The following NFASC variants were observed in gnomAD, a reference collection of about 807,000 sequenced individuals.
NFASC encodes the protein neurofascin, also known as neurofascin homolog.
NFASC carries 43 observed loss-of-function variants against 147.5 expected under a neutral mutation model. The ratio of observed to expected loss-of-function variants is 0.29; its 90% CI spans 0.23 to 0.38. NFASC has a LOEUF of 0.38. NFASC is among the 10% of genes least tolerant of loss of function. NFASC has a pLI of 1.00. For missense variants in NFASC, 1,320 were observed against 1,689.0 expected (o/e 0.78, Z 3.83); for synonymous variants, 622 against 665.5 (o/e 0.93, Z 1.01).
rs759643678 is a variant in NFASC at position 204,997,156 on chromosome 1, C to A, written c.2783-14C>A. The A allele has an allele frequency of 6.2e-7, 1 of 1,602,384 alleles. No individual in the cohort carries two copies. The highest frequency in any genetic ancestry group is 8.5e-7 in the Non-Finnish European group (1 of 1,171,740). On this transcript the variant is annotated splice_polypyrimidine_tract_variant and intron_variant, in intron 24 of 29. Transcript: ENST00000339876. ...AAACCAACCAGACTCGGCTGTTTTA[C>A]ATTTCCCTCTCAGCTCCTCCCACAT...
chr1:204,953,391 G>A (rs2094241816), intron 5 of NFASC, among the ~76,000 whole-genome samples: 1 of 152,174 alleles, frequency 6.6e-6, no homozygotes, highest in Non-Finnish European at 1.5e-5. Flanking sequence ...CCACTTCCCG[G>A]GTTCATGCCA....
At chr1:204,983,767 G>A (rs1211183588) in intron 21 of NFASC, among the ~76,000 whole-genome samples, 5 of 152,168 alleles carry the variant, frequency 3.3e-5, no homozygotes, top group African/African-American at 1.2e-4. Flanking sequence ...GGGGCTGATG[G>A]AAACTACCCA....
intron 1 of NFASC, among the ~76,000 whole-genome samples, chr1:204,866,874 A>C (rs760138787): frequency 1.3e-5 from 2 of 152,146 alleles, no homozygotes; most frequent in African/African-American, 2.4e-5. Flanking sequence ...TCCCACCTTG[A>C]GAGATTTGGT....
intron 28 of NFASC, among the ~76,000 whole-genome samples, chr1:205,011,688 C>T (rs2096255846): frequency 6.6e-6 from 1 of 152,258 alleles, no homozygotes; most frequent in Non-Finnish European, 1.5e-5. Flanking sequence ...CTCCAGTCTT[C>T]ATTCAGTCAC....
In NFASC at chr1:204,986,129, C is replaced by A; in HGVS notation, c.2471-1289C>A. ...CCCGGAAGGAGGTAGGTCTGGCCTG[C>A]AGCTCTTCAGGGTGGGGCAGGAGAA... On this transcript the variant is annotated intron_variant, in intron 21 of 29. Transcript: ENST00000339876. The surrounding 1 kb of genome is among the most constrained non-coding windows in gnomAD (Gnocchi z 4.2). The A allele has an allele frequency of 6.3e-7, 1 of 1,595,932 alleles. No homozygotes were observed. The highest frequency in any genetic ancestry group is 8.6e-7 in the Non-Finnish European group (1 of 1,163,516).
rs200841456 is a variant in NFASC, at chr1:204,983,753, C to T, written c.2470+1733C>T. On this transcript the variant is annotated intron_variant, in intron 21 of 29. Coordinates refer to ENST00000339876, the MANE Select transcript of NFASC (RefSeq NM_001005388.3). ...GGGTGAGGAAGGGTGGAGGACAAAA[C>T]GAAGGGGCTGATGGAAACTACCCAG... Among the ~76,000 whole-genome samples, 8 of 152,258 alleles carry T rather than the reference C, an allele frequency of 5.3e-5. No individual in the cohort carries two copies. In the East Asian group the frequency reaches 9.7e-4, roughly 18 times the overall value.
At chr1:204,933,999 G>C (rs1338412835) in intron 2 of NFASC, among the ~76,000 whole-genome samples, 1 of 152,006 alleles carries the variant, frequency 6.6e-6, no homozygotes, top group African/African-American at 2.4e-5. Flanking sequence ...TTAGCTGGGC[G>C]TGGTGGCAGG....
rs573119733 is a variant in NFASC at position 204,961,872 on chromosome 1, T to C, written c.706+4046T>C. Among the ~76,000 whole-genome samples the C allele has an allele frequency of 2.8e-4, 43 of 152,376 alleles. No homozygotes were observed. The South Asian group carries it at 3.7e-3, about 13-fold the overall frequency. On this transcript the variant is annotated intron_variant, in intron 8 of 29. Coordinates refer to ENST00000339876, the MANE Select transcript of NFASC (RefSeq NM_001005388.3). ...AATTTTAAAAAAACCATTACTGTAT[T>C]ATTGCCTTCTTTTGCAGGATTTAAC... is the stretch of plus-strand genomic sequence containing the variant.
chr1:204,918,696 A>G (rs2089833010), intron 1 of NFASC, among the ~76,000 whole-genome samples: 3 of 147,060 alleles, frequency 2.0e-5, no homozygotes, highest in South Asian at 2.1e-4. Context: ...AGCGATTCTC[A>G]TGCCTCAGCC....
At chr1:204,845,344 GC>G (rs1294329187) in intron 1 of NFASC, among the ~76,000 whole-genome samples, 1 of 151,572 alleles carries the variant, frequency 6.6e-6, no homozygotes, top group Non-Finnish European at 1.5e-5. Flanking sequence ...TGTAATCCCA[GC>G]TACTTGGGAG....
At chr1:205,006,166 CTGA>C (rs1386810848) in intron 27 of NFASC, among the ~76,000 whole-genome samples, 1 of 152,222 alleles carries the variant, frequency 6.6e-6, no homozygotes, top group Non-Finnish European at 1.5e-5. Context: ...TGACCCCTAG[CTGA>C]TATCAGGGGA....
At chr1:204,971,155 A>C (rs2095240664) in intron 11 of NFASC, among the ~76,000 whole-genome samples, 1 of 152,162 alleles carries the variant, frequency 6.6e-6, no homozygotes, top group Non-Finnish European at 1.5e-5. Flanking sequence ...TTGGTTACTC[A>C]AGTTCCGCTC....
At chr1:204,939,649 T>G (rs2093207738) in intron 2 of NFASC, among the ~76,000 whole-genome samples, 1 of 152,238 alleles carries the variant, frequency 6.6e-6, no homozygotes, top group Admixed American at 6.5e-5. Flanking sequence ...CAGTCACCTC[T>G]GGTGTGGTTG....
chr1:204,881,187 C>A (rs2080135613), intron 1 of NFASC, among the ~76,000 whole-genome samples: 1 of 152,206 alleles, frequency 6.6e-6, no homozygotes, highest in African/African-American at 2.4e-5. Context: ...TTGCTTGAGC[C>A]TCTACCTTGG....
chr1:205,005,639 A>C (rs545043083), intron 27 of NFASC, among the ~76,000 whole-genome samples: 20 of 152,340 alleles, frequency 1.3e-4, no homozygotes, highest in African/African-American at 4.8e-4. Flanking sequence ...CCTTGCTAAA[A>C]TGCCTTCCTC....
At chr1:204,830,011 GTGTGT>G in intron 1 of NFASC, among the ~76,000 whole-genome samples, 1 of 22,876 alleles carries the variant, frequency 4.4e-5, no homozygotes, top group African/African-American at 7.5e-5. Flanking sequence ...CATGGGGTGT[GTGTGT>G]GTGTGTGTGT....
At chr1:204,962,523 A>G (rs1033786966) in intron 8 of NFASC, among the ~76,000 whole-genome samples, 1 of 150,354 alleles carries the variant, frequency 6.7e-6, no homozygotes, top group Non-Finnish European at 1.5e-5. Flanking sequence ...TCCATAGTGA[A>G]GAGAAAACAG....
rs542796679 is a variant in NFASC at position 204,986,508 on chromosome 1, C to T, written c.2471-910C>T. Among the ~76,000 whole-genome samples, 1 of 152,252 alleles carries T rather than the reference C, an allele frequency of 6.6e-6. No homozygotes were observed. Among genetic ancestry groups the T allele is most frequent in the East Asian group, 1.9e-4 (1 of 5,194 alleles). On this transcript the variant is annotated intron_variant, in intron 21 of 29. Coordinates refer to ENST00000339876, the MANE Select transcript of NFASC (RefSeq NM_001005388.3). The surrounding 1 kb of genome is among the most constrained non-coding windows in gnomAD (Gnocchi z 4.2). ...CCCAACACCTTCACGGTTCTCCCCCCACGTTCTCAAGAAGCCGTCACTGAA... is the reference window on the plus strand; with the variant it reads ...CCCAACACCTTCACGGTTCTCCCCCTACGTTCTCAAGAAGCCGTCACTGAA...
intron 4 of NFASC, among the ~76,000 whole-genome samples, chr1:204,951,213 A>G (rs1023433157): frequency 2.7e-5 from 4 of 149,342 alleles, no homozygotes; most frequent in African/African-American, 7.4e-5. Flanking sequence ...CAGCAGCACA[A>G]TCTGGGTTCA....
Sources: gnomAD v4.1 joint callset for allele counts (sites outside exome capture counted in the v4.1 genomes callset) on GRCh38, gnomAD v4.1.1 for gene constraint, Gnocchi (gnomAD v3.1) non-coding constraint, MANE v1.5 for transcripts, NCBI Gene and HGNC (gene_info 2026-07-23, HGNC 2026-07-21) for gene names.